KIF6: variants seen among roughly 807,000 people sequenced by gnomAD.
The protein encoded by KIF6 is kinesin family member 6.
KIF6 carries 106 observed loss-of-function variants against 112.7 expected under a neutral mutation model. That is an observed-to-expected ratio of 0.94 (90% confidence interval 0.80 to 1.11). The LOEUF is 1.11. KIF6 is among the 50% of genes least tolerant of loss of function. The pLI is 0.00. For synonymous variants in KIF6, 339 were observed against 339.9 expected (o/e 1.00, Z 0.03); for missense variants, 929 against 964.0 (o/e 0.96, Z 0.48).
intron 2 of KIF6, among the ~76,000 whole-genome samples, chr6:39,719,085 G>A (rs1360759590): frequency 2.6e-5 from 4 of 152,188 alleles, no homozygotes; most frequent in African/African-American, 7.2e-5. Flanking sequence ...TTGAGAGGCC[G>A]AGGCAGGTGG....
intron 10 of KIF6, among the ~76,000 whole-genome samples, chr6:39,569,720 C>A (rs1219802936): frequency 6.6e-6 from 1 of 152,194 alleles, no homozygotes; most frequent in African/African-American, 2.4e-5. Flanking sequence ...CTTCACAGAA[C>A]ACTCCTCCAC....
chr6:39,504,160 G>C (rs1025291933), intron 13 of KIF6, among the ~76,000 whole-genome samples: 2 of 152,144 alleles, frequency 1.3e-5, no homozygotes, highest in African/African-American at 4.8e-5. Flanking sequence ...TATCCACCAT[G>C]ATCAAGTAGG....
rs557811859 is a variant in KIF6, at chr6:39,537,299, T to C, written c.1645+2704A>G. Among the ~76,000 whole-genome samples, 879 of 152,298 alleles carry C rather than the reference T, an allele frequency of 5.8e-3. 9 individuals are homozygous for C. The highest frequency in any genetic ancestry group is 0.054 in the Middle Eastern group (16 of 294). On this transcript the variant is annotated intron_variant, in intron 13 of 22. Transcript: ENST00000287152. ...TTGTCCCTGTTTGCAGATGACATGA[T>C]TGTATATCTAGAAAACCCCATTGTC...
intron 13 of KIF6, among the ~76,000 whole-genome samples, chr6:39,502,393 C>T (rs1342343202): frequency 6.6e-6 from 1 of 151,958 alleles, no homozygotes; most frequent in Admixed American, 6.6e-5. Context: ...CACACACACA[C>T]TGAAGTACAC....
chr6:39,485,420 T>C (rs927819278), intron 13 of KIF6, among the ~76,000 whole-genome samples: 7 of 152,112 alleles, frequency 4.6e-5, no homozygotes, highest in Non-Finnish European at 7.4e-5. Flanking sequence ...GCACTCATGA[T>C]GTATTTGCTT....
intron 3 of KIF6, among the ~76,000 whole-genome samples, chr6:39,672,959 C>T (rs1786920279): frequency 6.6e-6 from 1 of 152,072 alleles, no homozygotes; most frequent in African/African-American, 2.4e-5. Flanking sequence ...CATAAAATCT[C>T]CAGGAAGTTT....
At chr6:39,674,595 G>A (rs1055577485) in intron 3 of KIF6, among the ~76,000 whole-genome samples, 1 of 151,940 alleles carries the variant, frequency 6.6e-6, no homozygotes, top group Non-Finnish European at 1.5e-5. Flanking sequence ...ATGTGGAAAT[G>A]TGAACTGAAA....
At chr6:39,498,202 T>G (rs1382433687) in intron 13 of KIF6, among the ~76,000 whole-genome samples, 1 of 152,166 alleles carries the variant, frequency 6.6e-6, no homozygotes, top group African/African-American at 2.4e-5. Flanking sequence ...ATAATAACTC[T>G]TCCAATGATT....
chr6:39,379,372 TG>T (rs1208321525), intron 16 of KIF6, among the ~76,000 whole-genome samples: 2 of 152,262 alleles, frequency 1.3e-5, no homozygotes, highest in Non-Finnish European at 2.9e-5. Flanking sequence ...GGAAGTCACC[TG>T]GGGAAGCATT....
At chr6:39,725,074 G>C (rs1790456920) in intron 1 of KIF6, among the ~76,000 whole-genome samples, 171 bp downstream of exon 1, 2 of 152,192 alleles carry the variant, frequency 1.3e-5, no homozygotes, top group African/African-American at 4.8e-5. Flanking sequence ...ACAGCAGTGC[G>C]CGGGGGTCTT....
chr6:39,454,513 T>A (rs1243607026), intron 13 of KIF6, among the ~76,000 whole-genome samples: 2 of 133,760 alleles, frequency 1.5e-5, no homozygotes, highest in Admixed American at 1.6e-4. Flanking sequence ...TTAGATATAA[T>A]AGTGATACTG....
At chr6:39,568,844 C>G (rs1780476325) in intron 10 of KIF6, among the ~76,000 whole-genome samples, 1 of 152,184 alleles carries the variant, frequency 6.6e-6, no homozygotes, top group Non-Finnish European at 1.5e-5. Context: ...AGCCACTGAG[C>G]CTGGCCGAGA....
At chr6:39,401,325 T>A (rs919227794) in intron 15 of KIF6, among the ~76,000 whole-genome samples, 1 of 152,180 alleles carries the variant, frequency 6.6e-6, no homozygotes, top group Non-Finnish European at 1.5e-5. Context: ...TAACACCCCA[T>A]ACCCCCTATC....
chr6:39,710,146 G>C (rs1362550834), intron 3 of KIF6, among the ~76,000 whole-genome samples: 1 of 152,152 alleles, frequency 6.6e-6, no homozygotes, highest in East Asian at 1.9e-4. Context: ...GCCCCCAACT[G>C]TCTATTCACT....
intron 13 of KIF6, among the ~76,000 whole-genome samples, chr6:39,538,126 C>T (rs1778553437): frequency 6.6e-6 from 1 of 151,986 alleles, no homozygotes; most frequent in Admixed American, 6.5e-5. Flanking sequence ...AGAAGAAAAC[C>T]TAGGCATTAC....
At chr6:39,644,346 A>C (rs1785054669) in intron 3 of KIF6, among the ~76,000 whole-genome samples, 1 of 152,174 alleles carries the variant, frequency 6.6e-6, no homozygotes, top group African/African-American at 2.4e-5. Flanking sequence ...ATGTGTCCAC[A>C]CAAAAATTTG....
At chr6:39,575,882 A>G (rs1780940153) in intron 10 of KIF6, among the ~76,000 whole-genome samples, 1 of 151,788 alleles carries the variant, frequency 6.6e-6, no homozygotes, top group Admixed American at 6.6e-5. Context: ...CTCAAGTCCC[A>G]CCTCTCGGTC....
chr6:39,562,304 T>A (rs758162676), intron 10 of KIF6, among the ~76,000 whole-genome samples: 3 of 152,188 alleles, frequency 2.0e-5, no homozygotes, highest in Non-Finnish European at 2.9e-5. Flanking sequence ...TCTGTCTTAG[T>A]AGAAGCAAGT....
chr6:39,654,158 G>A (rs1366814188), intron 3 of KIF6, among the ~76,000 whole-genome samples: 7 of 152,172 alleles, frequency 4.6e-5, no homozygotes, highest in Non-Finnish European at 1.0e-4. Flanking sequence ...AGGTGGGGAA[G>A]ACAGTCAGTC....
Sources: allele counts gnomAD v4.1 joint callset (sites outside exome capture counted in the v4.1 genomes callset), GRCh38; gene constraint gnomAD v4.1.1; transcripts MANE v1.5; gene names NCBI Gene and HGNC (gene_info 2026-07-23, HGNC 2026-07-21).